RASA2: variants seen among roughly 807,000 people sequenced by gnomAD.
The protein encoded by RASA2 is ras GTPase-activating protein 2.
A neutral mutation model predicts 118.2 loss-of-function variants in RASA2; 155 were observed. That is an observed-to-expected ratio of 1.31 (90% CI 1.15 to 1.50). RASA2 has a LOEUF of 1.50. Among genes scored for constraint, RASA2 ranks in the 40% most tolerant of loss-of-function variants. The pLI is 0.00. For synonymous variants in RASA2, 353 were observed against 349.1 expected, an observed-to-expected ratio of 1.01 and a Z score of -0.12; for missense variants, 1,016 against 1,009.6, an observed-to-expected ratio of 1.01 and a Z score of -0.09.
chr3:141,586,685 A>G lies in RASA2; in HGVS notation c.1866A>G (p.Gly622=). ...YKRAQGRTRI[G]KKNFKKRWFC... ...GAGCTCAAGGAAGAACTCGGATTGGAAAAAAGAATTTTAAGAAACGATGGT... is the reference window on the plus strand; with the variant it reads ...GAGCTCAAGGAAGAACTCGGATTGGGAAAAAGAATTTTAAGAAACGATGGT... The change falls in exon 19 of 24, where the codon GGA becomes GGG. Residue 622 remains glycine, a synonymous_variant. Coordinates refer to ENST00000286364, the MANE Select transcript of RASA2 (RefSeq NM_006506.5). 1.2e-6 allele frequency: 2 copies of G among 1,613,444 alleles called. No individual in the cohort carries two copies. The highest frequency in any genetic ancestry group is 1.7e-6 in the Non-Finnish European group (2 of 1,179,550).
At chr3:141,508,834 C>T (rs1206154835) in intron 1 of RASA2, among the ~76,000 whole-genome samples, 4 of 150,360 alleles carry the variant, frequency 2.7e-5, no homozygotes, top group Non-Finnish European at 5.9e-5. Context: ...TTTTTTGGTC[C>T]AAGGCGCATG....
chr3:141,556,022 A>T, intron 7 of RASA2, 110 bp downstream of exon 7: 1 of 835,690 alleles, frequency 1.2e-6, no homozygotes, highest in Non-Finnish European at 1.9e-6. Context: ...ATTAATGCAG[A>T]TAAGCATTTC....
chr3:141,554,086 C>G (rs980584239), intron 6 of RASA2, 146 bp downstream of exon 6: 1 of 1,355,920 alleles, frequency 7.4e-7, no homozygotes, highest in Non-Finnish European at 9.6e-7. Flanking sequence ...TTAGTGAGTT[C>G]TATTATACAC....
intron 9 of RASA2, among the ~76,000 whole-genome samples, chr3:141,560,985 A>G (rs1038576700): frequency 7.9e-5 from 12 of 152,044 alleles, no homozygotes; most frequent in African/African-American, 2.9e-4. Context: ...CAAAATTTTT[A>G]CTTTATTTTT....
intron 9 of RASA2, among the ~76,000 whole-genome samples, chr3:141,564,215 G>C (rs185933477): frequency 1.3e-5 from 2 of 152,196 alleles, no homozygotes; most frequent in East Asian, 1.9e-4. Flanking sequence ...AGTTATATGA[G>C]AGTAAAGAGG....
chr3:141,600,241 A>C, intron 19 of RASA2: 1 of 502,544 alleles, frequency 2.0e-6, no homozygotes, highest in Admixed American at 2.2e-5. Flanking sequence ...TTCTTGAAGG[A>C]AAGAAGGAGG....
At position 141,601,797 on chromosome 3, in the gene RASA2, G is replaced by A. The variant is rs138283624; in HGVS notation, c.1934-5881G>A. On this transcript the variant is annotated intron_variant, in intron 19 of 23. Transcript: ENST00000286364. ...AAATTTCTCCCCTTTTTCTTCTAGG[G>A]ATCCTCCAATTTATGCTGATAAATT... 1.6e-4 allele frequency among the ~76,000 whole-genome samples: 24 copies of A among 152,016 alleles called. No homozygotes were observed. The South Asian group carries it at 4.8e-3, about 30-fold the overall frequency.
intron 19 of RASA2, among the ~76,000 whole-genome samples, chr3:141,588,171 C>T (rs183269195): frequency 3.2e-4 from 49 of 152,328 alleles, no homozygotes; most frequent in African/African-American, 1.1e-3. Context: ...CTTACCTCCA[C>T]ATAAATCAGC....
At chr3:141,528,215 A>G (rs1033745985) in intron 3 of RASA2, among the ~76,000 whole-genome samples, 10 of 151,904 alleles carry the variant, frequency 6.6e-5, no homozygotes, top group South Asian at 2.1e-4. Context: ...GTACTTTACT[A>G]TTTTCTTTAA....
At chr3:141,553,829 A>G (rs368390575) in intron 5 of RASA2, 28 bp from the exon 6 acceptor site, 5 of 1,588,188 alleles carry the variant, frequency 3.1e-6, no homozygotes, top group South Asian at 2.3e-5. Context: ...GGAATCTAAT[A>G]TGTTAAATCT....
chr3:141,491,974 G>C (rs1448931821), intron 1 of RASA2, among the ~76,000 whole-genome samples: 1 of 152,202 alleles, frequency 6.6e-6, no homozygotes, highest in African/African-American at 2.4e-5. Context: ...TTCATGCTAA[G>C]AGTTCATTTT....
rs373463558 is a variant in RASA2, at chr3:141,581,103, A to G, written c.1678A>G (p.Ser560Gly). The change falls in exon 17 of 24, where the codon AGT (serine) becomes GGT (glycine). Residue 560 changes from serine to glycine, a missense_variant. Physicochemically the swap from Ser to Gly is moderately conservative, Grantham distance 56 (BLOSUM62 0). This residue lies in a region of RASA2 where 896 missense variants were observed against 836.4 expected (regional missense o/e 1.07). Transcript: ENST00000286364. ...SWGSLSKSKS[S>G]FKETFMCEFF... ...CCCTGTGTTTGTTTTTTCTTAGTCA[A>G]GTTTCAAAGAGACATTCATGTGTGA... 2.2e-5 allele frequency: 33 copies of G among 1,530,304 alleles called. No homozygotes were observed. The highest frequency in any genetic ancestry group is 3.9e-5 in the South Asian group (3 of 76,466). 94.8% of individuals were successfully genotyped at this position (1,530,304 alleles called of 1,614,324 possible).
intron 14 of RASA2, among the ~76,000 whole-genome samples, chr3:141,574,287 T>G (rs890958071): frequency 1.3e-5 from 2 of 152,110 alleles, no homozygotes; most frequent in African/African-American, 4.8e-5. Context: ...TCTCCCGGGT[T>G]CATGCCATTC....
intron 19 of RASA2, among the ~76,000 whole-genome samples, chr3:141,588,796 C>G (rs1286443976): frequency 6.6e-6 from 1 of 151,882 alleles, no homozygotes; most frequent in Non-Finnish European, 1.5e-5. Context: ...ACTCAAATAA[C>G]TAAAAGTCAA....
chr3:141,534,378 G>T (rs566229941), intron 4 of RASA2, among the ~76,000 whole-genome samples: 19 of 152,064 alleles, frequency 1.2e-4, no homozygotes, highest in Non-Finnish European at 2.4e-4. Context: ...TTATAGGGGG[G>T]GGAAAAAGAG....
rs1448472085 is a variant in RASA2, at chr3:141,609,470, A to G, written c.2276A>G (p.Glu759Gly). 1 of 1,606,050 alleles carries G rather than the reference A, an allele frequency of 6.2e-7. No individual in the cohort carries two copies. Residue 759 changes from glutamate to glycine, a missense_variant, in exon 22 of 24, where the codon GAA (glutamate) becomes GGA (glycine). Transcript: ENST00000286364. Reference sequence around the variant, plus strand: ...GATATTGATGAAGACAGAGAAACAGAAAGAATTTATTCCCTTTTTACCCTC... The same window carrying G: ...GATATTGATGAAGACAGAGAAACAGGAAGAATTTATTCCCTTTTTACCCTC... ...QIDIDEDRET[E>G]RIYSLFTLSL...
intron 19 of RASA2, among the ~76,000 whole-genome samples, chr3:141,599,880 T>C (rs1220517508): frequency 6.6e-6 from 1 of 152,194 alleles, no homozygotes; most frequent in Non-Finnish European, 1.5e-5. Context: ...AGAAATTAAG[T>C]TATGTAGAAC....
chr3:141,600,513 C>T (rs2083446926), intron 19 of RASA2: 1 of 318,144 alleles, frequency 3.1e-6, no homozygotes, highest in Non-Finnish European at 6.2e-6. Flanking sequence ...TGCAGGTGGC[C>T]ATGTCATCGT....
intron 19 of RASA2, among the ~76,000 whole-genome samples, chr3:141,599,862 G>C (rs1382520033): frequency 2.0e-5 from 3 of 152,162 alleles, no homozygotes; most frequent in Admixed American, 1.3e-4. Flanking sequence ...GAGTAAGGGA[G>C]GGAATGTAGA....
Sources: allele counts gnomAD v4.1 joint callset (sites outside exome capture counted in the v4.1 genomes callset), GRCh38; gene constraint gnomAD v4.1.1; regional missense constraint gnomAD v4.1.1; transcripts MANE v1.5; gene names NCBI Gene and HGNC (gene_info 2026-07-23, HGNC 2026-07-21).